Variants in SRPK2 observed in about 807,000 individuals in gnomAD.
The protein encoded by SRPK2 is SRSF protein kinase 2.
SRPK2 carries 21 observed loss-of-function variants against 90.8 expected under a neutral mutation model. The observed-to-expected ratio is 0.23, with a 90% CI of 0.16 to 0.33. The LOEUF is 0.33. Among genes scored for constraint, SRPK2 ranks in the 10% least tolerant of loss-of-function variants. The probability of loss-of-function intolerance (pLI) is 1.00; values close to 1 mark genes in which losing one functional copy is unlikely to be tolerated. For missense variants in SRPK2, 620 were observed against 869.0 expected (o/e 0.71, Z 3.60); for synonymous variants, 288 against 311.1 (o/e 0.93, Z 0.78).
chr7:105,382,648 G>C (rs1158702925), intron 2 of SRPK2, among the ~76,000 whole-genome samples: 1 of 148,570 alleles, frequency 6.7e-6, no homozygotes, highest in Non-Finnish European at 1.5e-5. Flanking sequence ...GAAAAAAGGC[G>C]AATCACAAAA....
chr7:105,329,787 T>C (rs1166081273), intron 2 of SRPK2, among the ~76,000 whole-genome samples: 1 of 151,766 alleles, frequency 6.6e-6, no homozygotes, highest in Non-Finnish European at 1.5e-5. Context: ...CCCAGGACTT[T>C]AGGAGGCCGA....
intron 14 of SRPK2, 109 bp downstream of exon 14, chr7:105,126,884 T>C: frequency 1.7e-6 from 2 of 1,145,138 alleles, no homozygotes; most frequent in Non-Finnish European, 1.3e-6. Context: ...ATTTGGTGTT[T>C]GAAAACCAAA....
At chr7:105,121,895 C>T (rs1483464430) in intron 15 of SRPK2, among the ~76,000 whole-genome samples, 1 of 152,200 alleles carries the variant, frequency 6.6e-6, no homozygotes, top group Non-Finnish European at 1.5e-5. Flanking sequence ...TGAGGTTCCA[C>T]ACTACATGTG....
chr7:105,336,210 AAC>A (rs1474932459), intron 2 of SRPK2, among the ~76,000 whole-genome samples: 10 of 152,112 alleles, frequency 6.6e-5, no homozygotes, highest in African/African-American at 2.4e-4. Flanking sequence ...GTTAATAGAA[AAC>A]ACAGAGAAAA....
At chr7:105,364,404 C>CTTTTTTTTTTT (rs1563290472) in intron 2 of SRPK2, among the ~76,000 whole-genome samples, 2 of 116,356 alleles carry the variant, frequency 1.7e-5, no homozygotes, top group Non-Finnish European at 3.5e-5. Context: ...CCGTGTGTAA[C>CTTTTTTTTTTT]GTTTTTTTTT....
intron 2 of SRPK2, among the ~76,000 whole-genome samples, chr7:105,279,788 C>A (rs1807017234): frequency 6.6e-6 from 1 of 152,150 alleles, no homozygotes. Context: ...GTTAATCCAG[C>A]CCCTCAACAG....
intron 2 of SRPK2, among the ~76,000 whole-genome samples, chr7:105,310,687 AAAG>A (rs1237629334): frequency 1.3e-5 from 2 of 152,180 alleles, no homozygotes; most frequent in African/African-American, 4.8e-5. Context: ...AGTCACATAC[AAAG>A]AAGAAAATTT....
intron 2 of SRPK2, among the ~76,000 whole-genome samples, chr7:105,304,969 A>C (rs1408237777): frequency 6.6e-6 from 1 of 152,244 alleles, no homozygotes; most frequent in Non-Finnish European, 1.5e-5. Context: ...ACACAGCTAA[A>C]TATCCTGACC....
At chr7:105,265,889 A>C (rs1428205032) in intron 2 of SRPK2, among the ~76,000 whole-genome samples, 1 of 152,080 alleles carries the variant, frequency 6.6e-6, no homozygotes, top group Non-Finnish European at 1.5e-5. Context: ...ATTCAATAGC[A>C]TTCTCTGCTC....
upstream of SRPK2, among the ~76,000 whole-genome samples, chr7:105,389,901 C>T (rs1455629255): frequency 3.3e-5 from 5 of 152,178 alleles, no homozygotes; most frequent in African/African-American, 9.7e-5. Context: ...AGGTGGCTTA[C>T]ACTAAGGATG....
chr7:105,133,262 C>T (rs1019748130), intron 11 of SRPK2, among the ~76,000 whole-genome samples, 158 bp from the exon 12 acceptor site: 2 of 152,216 alleles, frequency 1.3e-5, no homozygotes, highest in African/African-American at 4.8e-5. Flanking sequence ...ACTAAAATTG[C>T]TTGTTCTCCA....
chr7:105,390,196 G>C (rs943405530), upstream of SRPK2, among the ~76,000 whole-genome samples: 3 of 152,064 alleles, frequency 2.0e-5, no homozygotes, highest in Non-Finnish European at 4.4e-5. Flanking sequence ...CACATAATCA[G>C]AATTCCATGA....
At chr7:105,157,552 A>AG (rs1489114356) in intron 7 of SRPK2, among the ~76,000 whole-genome samples, 1 of 152,162 alleles carries the variant, frequency 6.6e-6, no homozygotes, top group Admixed American at 6.5e-5. Context: ...GCGTAAGCTT[A>AG]GGGGGAAAAA....
At chr7:105,264,535 C>A (rs1804777574) in intron 2 of SRPK2, among the ~76,000 whole-genome samples, 1 of 152,176 alleles carries the variant, frequency 6.6e-6, no homozygotes, top group Non-Finnish European at 1.5e-5. Flanking sequence ...CTCTCCTGAA[C>A]AAGACAGCTA....
chr7:105,274,264 C>CT (rs1806196289), intron 2 of SRPK2, among the ~76,000 whole-genome samples: 1 of 152,154 alleles, frequency 6.6e-6, no homozygotes, highest in Non-Finnish European at 1.5e-5. Flanking sequence ...CTCTCTCTCT[C>CT]TCTCAAAGAA....
intron 2 of SRPK2, among the ~76,000 whole-genome samples, chr7:105,287,342 TCA>T (rs1808279638): frequency 1.3e-5 from 2 of 148,258 alleles, no homozygotes; most frequent in South Asian, 4.3e-4. Context: ...AACATAACTC[TCA>T]CAAAGTAGCT....
intron 2 of SRPK2, among the ~76,000 whole-genome samples, chr7:105,349,174 G>A (rs917580949): frequency 6.8e-6 from 1 of 147,504 alleles, no homozygotes; most frequent in African/African-American, 2.5e-5. Flanking sequence ...GGGAGGGGAG[G>A]GGAGGGGAGG....
chr7:105,142,561 T>C (rs913981488), intron 10 of SRPK2, 71 bp from the exon 11 acceptor site: 2 of 1,509,988 alleles, frequency 1.3e-6, no homozygotes, highest in Non-Finnish European at 1.8e-6. Flanking sequence ...AGTACTTATC[T>C]CCATCAATAA....
intron 2 of SRPK2, chr7:105,204,904 C>G (rs971598497): frequency 2.6e-6 from 1 of 389,228 alleles, no homozygotes; most frequent in African/African-American, 2.1e-5. Flanking sequence ...TGCTAGATTT[C>G]CTTTTGGAAC....
Sources: gnomAD v4.1 joint callset for allele counts (sites outside exome capture counted in the v4.1 genomes callset) on GRCh38, gnomAD v4.1.1 for gene constraint, MANE v1.5 for transcripts, NCBI Gene and HGNC (gene_info 2026-07-23, HGNC 2026-07-21) for gene names.